Variants in JAK3 observed in about 807,000 individuals in gnomAD.
JAK3 encodes the protein Janus kinase 3, also known as tyrosine-protein kinase JAK3.
Under a neutral mutation model 120.8 loss-of-function variants are expected in JAK3, and 88 were observed. That is an observed-to-expected ratio of 0.73 (90% confidence interval 0.61 to 0.87). The LOEUF (loss-of-function observed/expected upper bound fraction) is 0.87. Among genes scored for constraint, JAK3 ranks in the 40% least tolerant of loss-of-function variants. The pLI is 0.00. For synonymous variants in JAK3, 592 were observed against 628.6 expected, an observed-to-expected ratio of 0.94 and a Z score of 0.87; for missense variants, 1,254 against 1,501.4, an observed-to-expected ratio of 0.84 and a Z score of 2.72.
chr19:17,845,189 A>T (rs891666539), intron 1 of JAK3, among the ~76,000 whole-genome samples: 5 of 152,048 alleles, frequency 3.3e-5, no homozygotes, highest in Non-Finnish European at 7.4e-5. Context: ...CTTTTTTGAG[A>T]CAGAGTCTCG....
In JAK3 at chr19:17,844,354, C is replaced by G. The variant is rs200065012; in HGVS notation, c.64G>C (p.Glu22Gln). 3 of 1,612,086 alleles carry G rather than the reference C, an allele frequency of 1.9e-6. No homozygotes were observed. The highest frequency in any genetic ancestry group is 1.3e-5 in the African/African-American group (1 of 74,916). ...AGCAGCACATGCAGGGCACCAGCCT[C>G]CGTGGACAAGAGGCTGCATGAACGC... is the stretch of plus-strand genomic sequence containing the variant. ...PQRSCSLLST[E>Q]AGALHVLLPA... Residue 22 changes from glutamate (E) to glutamine (Q), a missense_variant, in exon 2 of 24, where the codon GAG (glutamate) becomes CAG (glutamine). Glu to Gln is a conservative substitution (Grantham distance 29). Transcript: ENST00000458235.
At chr19:17,830,932 C>G (rs2094213040) in intron 21 of JAK3, among the ~76,000 whole-genome samples, 1 of 131,350 alleles carries the variant, frequency 7.6e-6, no homozygotes, top group Admixed American at 7.5e-5. Context: ...GGGGGCCAGC[C>G]CTGAGGGGCG....
In JAK3 at chr19:17,842,281, C is replaced by G. The variant is rs1401543154; in HGVS notation, c.861+35G>C. ...GGCCCCTCCCCGAGCCCCGCCCCCACGTTGGCCCCGCCCAGCGGGGGAGTC... is the reference window on the plus strand; with the variant it reads ...GGCCCCTCCCCGAGCCCCGCCCCCAGGTTGGCCCCGCCCAGCGGGGGAGTC... On this transcript the variant is annotated intron_variant, in intron 6 of 23. Coordinates refer to ENST00000458235, the MANE Select transcript of JAK3 (RefSeq NM_000215.4). The surrounding 1 kb of genome is among the most constrained non-coding windows in gnomAD (Gnocchi z 6.4). 3 of 1,502,492 alleles carry G rather than the reference C, an allele frequency of 2.0e-6. No individual in the cohort carries two copies. 93.1% of individuals were successfully genotyped at this position (1,502,492 alleles called of 1,614,324 possible).
chr19:17,834,543 T>TG, intron 17 of JAK3, 28 bp downstream of exon 17: 27 of 1,602,718 alleles, frequency 1.7e-5, no homozygotes, highest in Non-Finnish European at 9.4e-6. Flanking sequence ...ATCACAGCCC[T>TG]CCCCACCCAA....
At chr19:17,827,637 G>A (rs1257964336) in intron 23 of JAK3, among the ~76,000 whole-genome samples, 8 of 144,664 alleles carry the variant, frequency 5.5e-5, no homozygotes, top group Non-Finnish European at 9.0e-5. Flanking sequence ...GTGAGCCACC[G>A]CGCCCAGCCC....
intron 1 of JAK3, among the ~76,000 whole-genome samples, chr19:17,847,723 G>A (rs539962723): frequency 2.2e-5 from 3 of 138,910 alleles, no homozygotes; most frequent in East Asian, 4.6e-4. Context: ...CTCCAGGTCC[G>A]CAAGGCAGGC....
In JAK3 at chr19:17,847,809, C is replaced by T. The variant is rs1306999738; in HGVS notation, c.-14+137G>A. ...GATGCGAGTCTCGGCTCACGTCTGCCTCGCAGCTTTCCTCCGAGGCCTGGA... is the reference window on the plus strand; with the variant it reads ...GATGCGAGTCTCGGCTCACGTCTGCTTCGCAGCTTTCCTCCGAGGCCTGGA... On this transcript the variant is annotated intron_variant, in intron 1 of 23. Transcript: ENST00000458235. 6 of 246,568 alleles carry T rather than the reference C, an allele frequency of 2.4e-5. No homozygotes were observed. The Admixed American group carries it at 2.5e-4, about 10-fold the overall frequency. The allele number at this position is 246,568 out of a possible 1,614,324, so 15.3% of individuals were successfully genotyped here. A position where few individuals can be genotyped will look rare whatever the true frequency, so the allele number is the denominator to read the frequency against.
At position 17,844,690 on chromosome 19, in the gene JAK3, G is replaced by C. The variant is rs367587342; in HGVS notation, c.-13-260C>G. 6.2e-3 allele frequency among the ~76,000 whole-genome samples: 939 copies of C among 151,722 alleles called. 9 individuals carry two copies. Among genetic ancestry groups the C allele is most frequent in the African/African-American group, 0.022 (893 of 41,338 alleles). On this transcript the variant is annotated intron_variant, in intron 1 of 23. Transcript: ENST00000458235. The stretch of plus-strand genomic sequence containing the variant: ...TGCGTTCCTGTAATCCCAGCAACTC[G>C]GGAGGCTGAGGCAGGACAATCACTT...
chr19:17,832,590 C>G lies in JAK3; in HGVS notation c.2609G>C (p.Arg870Pro), dbSNP rs376945173. Residue 870 changes from arginine to proline, a missense_variant, in exon 19 of 24, where the codon CGG becomes CCG. Physicochemically the swap from Arg to Pro is moderately radical, Grantham distance 103. Around this residue, in one of 3 missense-constraint regions of JAK3, gnomAD observed 630 missense variants for 819.8 expected, o/e 0.77. Coordinates refer to ENST00000458235, the MANE Select transcript of JAK3 (RefSeq NM_000215.4). This position sits in a 1 kb window ranked among gnomAD's most constrained non-coding sequence, Gnocchi z 4.7. Reference sequence around the variant, plus strand: ...CAGTGCTTTGAGGATCTGAATCTCCCGCTGAAAGTCCCTCTGCTGGTCTGG... The same window carrying G: ...CAGTGCTTTGAGGATCTGAATCTCCGGCTGAAAGTCCCTCTGCTGGTCTGG... ...SGPDQQRDFQREIQILKALHS... is the reference protein window; with the variant it reads ...SGPDQQRDFQPEIQILKALHS... 1 of 1,614,220 alleles carries G rather than the reference C, an allele frequency of 6.2e-7. No individual in the cohort carries two copies. The highest frequency in any genetic ancestry group is 1.1e-5 in the South Asian group (1 of 91,088).
rs1489009177 is a variant in JAK3, at chr19:17,841,260, T to C, written c.1142+129A>G. 2.3e-6 allele frequency: 2 copies of C among 872,762 alleles called. No individual in the cohort carries two copies. The highest frequency in any genetic ancestry group is 3.3e-5 in the African/African-American group (2 of 59,864). The allele number at this position is 872,762 out of a possible 1,614,324, so 54.1% of individuals were successfully genotyped here. ...TACTTCAGCTTCACTGAGCGCTGAC[T>C]GTGCGGCAGGTGTGGTTTGAAAACT... On this transcript the variant is annotated intron_variant, in intron 8 of 23. Transcript: ENST00000458235. This position sits in a 1 kb window ranked among gnomAD's most constrained non-coding sequence, Gnocchi z 4.1.
intron 17 of JAK3, among the ~76,000 whole-genome samples, chr19:17,834,123 G>A (rs1415630881): frequency 2.0e-5 from 3 of 152,048 alleles, no homozygotes; most frequent in Admixed American, 6.6e-5. Context: ...AGAGGTGGGC[G>A]GATCACCTGA....
chr19:17,828,894 T>C (rs1329752364), intron 23 of JAK3, among the ~76,000 whole-genome samples: 1 of 152,104 alleles, frequency 6.6e-6, no homozygotes, highest in Non-Finnish European at 1.5e-5. Flanking sequence ...GTGGCTCACG[T>C]CTGTAATCCC....
In JAK3 at chr19:17,831,695, GAGA is replaced by G. The variant is rs775752154; in HGVS notation, c.2781_2783del (p.Leu928del). 3 of 1,609,872 alleles carry G rather than the reference GAGA, an allele frequency of 1.9e-6. No individual in the cohort carries two copies. The highest frequency in any genetic ancestry group is 1.1e-5 in the South Asian group (1 of 90,592). On this transcript the variant is annotated inframe_deletion, in exon 20 of 24. Transcript: ENST00000458235. This position sits in a 1 kb window ranked among gnomAD's most constrained non-coding sequence, Gnocchi z 5.1. ...GCACCTTGCAGATCTGCGAGGAATA[GAGA>G]AGGAGGCGGCTGGCATCGAGGCGCG...
chr19:17,829,766 A>G, intron 23 of JAK3: 1 of 465,344 alleles, frequency 2.1e-6, no homozygotes, highest in East Asian at 3.2e-5. Context: ...AAAGAAAGAA[A>G]GAAAGAAAAA....
intron 23 of JAK3, among the ~76,000 whole-genome samples, chr19:17,829,413 C>T (rs960265666): frequency 2.0e-5 from 3 of 152,076 alleles, no homozygotes; most frequent in African/African-American, 7.2e-5. Flanking sequence ...ACCGCCTCAG[C>T]CTTCAAAAGT....
At chr19:17,835,422 C>T (rs1334337577) in intron 14 of JAK3, among the ~76,000 whole-genome samples, 2 of 152,204 alleles carry the variant, frequency 1.3e-5, no homozygotes, top group Non-Finnish European at 2.9e-5. Context: ...AAACACCACC[C>T]CATCCTGTGA....
chr19:17,847,262 G>A (rs1048479974), intron 1 of JAK3, among the ~76,000 whole-genome samples: 11 of 152,054 alleles, frequency 7.2e-5, no homozygotes, highest in African/African-American at 2.7e-4. Flanking sequence ...GCTACTCAGG[G>A]GGCTGAGGCA....
chr19:17,831,861 CT>C lies in JAK3; in HGVS notation c.2681-64del. 6.2e-7 allele frequency: 1 copy of C among 1,600,396 alleles called. No homozygotes were observed. Among genetic ancestry groups the C allele is most frequent in the East Asian group, 2.2e-5 (1 of 44,620 alleles). On this transcript the variant is annotated intron_variant, in intron 19 of 23. Coordinates refer to ENST00000458235, the MANE Select transcript of JAK3 (RefSeq NM_000215.4). This position sits in a 1 kb window ranked among gnomAD's most constrained non-coding sequence, Gnocchi z 5.1. ...CTGCTCGTCCCCCCATTCTTCCCCC[CT>C]TTCACAGTGGGACCTTGTGTCCCTC...
intron 23 of JAK3, 119 bp from the exon 24 acceptor site, chr19:17,827,029 G>A (rs769328626): frequency 1.2e-5 from 13 of 1,119,302 alleles, no homozygotes; most frequent in Non-Finnish European, 1.6e-5. Flanking sequence ...GTCCAGGCTG[G>A]AGTGCAATGG....
Sources: gnomAD v4.1 joint callset for allele counts (sites outside exome capture counted in the v4.1 genomes callset) on GRCh38, gnomAD v4.1.1 for gene constraint, gnomAD v4.1.1 regional missense constraint, Gnocchi (gnomAD v3.1) non-coding constraint, MANE v1.5 for transcripts, NCBI Gene and HGNC (gene_info 2026-07-23, HGNC 2026-07-21) for gene names.